DOK6: variants seen among roughly 807,000 people sequenced by gnomAD.
The protein encoded by DOK6 is downstream of tyrosine kinase 6.
DOK6 carries 22 observed loss-of-function variants against 44.0 expected under a neutral mutation model. The observed-to-expected ratio is 0.50, with a 90% CI of 0.36 to 0.71. DOK6 has a LOEUF of 0.71. Ranked by LOEUF, DOK6 falls within the 30% of genes least tolerant of loss-of-function variation. The pLI is 0.00. For synonymous variants in DOK6, 166 were observed against 145.5 expected (o/e 1.14, Z -1.01); for missense variants, 340 against 416.4 (o/e 0.82, Z 1.60).
chr18:69,646,781 G>A (rs946429583), intron 3 of DOK6, among the ~76,000 whole-genome samples: 2 of 152,106 alleles, frequency 1.3e-5, no homozygotes, highest in African/African-American at 4.8e-5. Context: ...GCACTTCCAA[G>A]ACTCTTCCTT....
chr18:69,462,368 TTCTGTGTGTATGTGTGTG>T lies in DOK6; in HGVS notation c.66+61079_66+61096del, dbSNP rs1461019271. Among the ~76,000 whole-genome samples the T allele has an allele frequency of 8.4e-4, 128 of 152,100 alleles. 2 individuals carry two copies. In the East Asian group the frequency reaches 0.021, roughly 26 times the overall value. On this transcript the variant is annotated intron_variant, in intron 1 of 7. Transcript: ENST00000382713. ...GCATAGGCTATTAAGTGTAGTATAT[TTCTGTGTGTATGTGTGTG>T]TCTGTGTGTATGTGTGTGTCCTCAA...
At chr18:69,713,203 A>G (rs1986808368) in intron 5 of DOK6, among the ~76,000 whole-genome samples, 1 of 152,238 alleles carries the variant, frequency 6.6e-6, no homozygotes, top group South Asian at 2.1e-4. Flanking sequence ...AGTTGTGGGA[A>G]AAGCACAAAG....
chr18:69,837,674 C>T (rs1982092697), intron 7 of DOK6, among the ~76,000 whole-genome samples: 1 of 151,872 alleles, frequency 6.6e-6, no homozygotes, highest in Non-Finnish European at 1.5e-5. Context: ...TATGTTGTTT[C>T]ATTTAAATCC....
In DOK6 at chr18:69,553,725, A is replaced by G. The variant is rs148489541; in HGVS notation, c.67-10762A>G. The stretch of plus-strand genomic sequence containing the variant: ...GAAGCCCCAGTACAACCACTTACAT[A>G]CTCACTCCAGACTCCAATTGAAAAT... On this transcript the variant is annotated intron_variant, in intron 1 of 7. Transcript: ENST00000382713. Among the ~76,000 whole-genome samples the G allele has an allele frequency of 2.6e-5, 4 of 152,110 alleles. No homozygotes were observed. In the East Asian group the frequency reaches 7.8e-4, roughly 29 times the overall value.
chr18:69,529,452 A>C (rs899361253), intron 1 of DOK6, among the ~76,000 whole-genome samples: 1 of 152,166 alleles, frequency 6.6e-6, no homozygotes. Context: ...CAACCTCCGC[A>C]ATCTTTATTT....
At chr18:69,428,295 C>T (rs1264773103) in intron 1 of DOK6, among the ~76,000 whole-genome samples, 1 of 152,034 alleles carries the variant, frequency 6.6e-6, no homozygotes, top group Non-Finnish European at 1.5e-5. Flanking sequence ...GCTCTGTATA[C>T]AAATTTGATA....
At chr18:69,794,246 T>C (rs1341092059) in intron 7 of DOK6, among the ~76,000 whole-genome samples, 1 of 152,166 alleles carries the variant, frequency 6.6e-6, no homozygotes, top group Non-Finnish European at 1.5e-5. Context: ...CATAATTCTA[T>C]CAAATACTCA....
chr18:69,460,398 A>T (rs1946984), intron 1 of DOK6, among the ~76,000 whole-genome samples: 34,568 of 152,022 alleles, frequency 0.23, 4,217 homozygotes, highest in Middle Eastern at 0.39. Context: ...TTAATACATC[A>T]ATCATATATC....
chr18:69,587,290 C>T (rs540757486), intron 2 of DOK6, among the ~76,000 whole-genome samples: 2 of 152,256 alleles, frequency 1.3e-5, no homozygotes, highest in East Asian at 3.9e-4. Context: ...TCCTTGCTTG[C>T]ATTTTTCAGC....
At chr18:69,458,809 C>T (rs550904772) in intron 1 of DOK6, among the ~76,000 whole-genome samples, 4 of 152,158 alleles carry the variant, frequency 2.6e-5, no homozygotes, top group Admixed American at 6.6e-5. Flanking sequence ...AGTGAAATAC[C>T]GGCTGGGAGC....
intron 1 of DOK6, among the ~76,000 whole-genome samples, chr18:69,517,527 T>C (rs1981562796): frequency 6.6e-6 from 1 of 152,184 alleles, no homozygotes; most frequent in South Asian, 2.1e-4. Flanking sequence ...GTCCTCTAGA[T>C]GAATCATTTC....
At chr18:69,448,271 G>T (rs1187329924) in intron 1 of DOK6, among the ~76,000 whole-genome samples, 1 of 152,168 alleles carries the variant, frequency 6.6e-6, no homozygotes, top group Non-Finnish European at 1.5e-5. Context: ...GAGACTTTTT[G>T]CTGGCATTGT....
intron 7 of DOK6, among the ~76,000 whole-genome samples, chr18:69,828,884 G>GTGTATATATATATATATATA (rs1555673465): frequency 5.5e-5 from 5 of 90,214 alleles, no homozygotes; most frequent in African/African-American, 1.6e-4. Context: ...ACATTTATGT[G>GTGTATATATATATATATATA]TATATATATA....
intron 1 of DOK6, among the ~76,000 whole-genome samples, chr18:69,519,792 A>G (rs575352085): frequency 3.3e-5 from 5 of 152,016 alleles, no homozygotes; most frequent in Admixed American, 3.3e-4. Context: ...CATATGAAAT[A>G]TGGCATGAGA....
At chr18:69,691,497 T>C (rs1418383612) in intron 4 of DOK6, among the ~76,000 whole-genome samples, 1 of 152,130 alleles carries the variant, frequency 6.6e-6, no homozygotes, top group Non-Finnish European at 1.5e-5. Flanking sequence ...AACTGTAGAA[T>C]CAAGTAGTGC....
At chr18:69,710,804 G>C (rs1986737827) in intron 5 of DOK6, among the ~76,000 whole-genome samples, 3 of 152,182 alleles carry the variant, frequency 2.0e-5, no homozygotes, top group Admixed American at 2.0e-4. Flanking sequence ...ATAAAATTGG[G>C]TATTTTTTGT....
chr18:69,764,714 A>G (rs1979665764), intron 7 of DOK6, among the ~76,000 whole-genome samples: 1 of 152,228 alleles, frequency 6.6e-6, no homozygotes, highest in South Asian at 2.1e-4. Context: ...ACTAATACAT[A>G]TGATAATCCC....
intron 1 of DOK6, among the ~76,000 whole-genome samples, chr18:69,562,483 T>G (rs144192541): frequency 0.01 from 1,589 of 152,292 alleles, 26 homozygotes; most frequent in African/African-American, 0.036. Flanking sequence ...TCCAGTTTTG[T>G]TCTTTTGGCT....
At chr18:69,636,280 C>G (rs186632018) in intron 3 of DOK6, among the ~76,000 whole-genome samples, 3 of 152,108 alleles carry the variant, frequency 2.0e-5, no homozygotes, top group African/African-American at 7.2e-5. Flanking sequence ...TAGCAGCAGT[C>G]CACTTTATAA....
Sources: gnomAD v4.1 joint callset for allele counts (sites outside exome capture counted in the v4.1 genomes callset) on GRCh38, gnomAD v4.1.1 for gene constraint, MANE v1.5 for transcripts, NCBI Gene and HGNC (gene_info 2026-07-23, HGNC 2026-07-21) for gene names.